Variants in XKR4 observed in about 807,000 individuals in gnomAD.
The protein encoded by XKR4 is XK-related protein 4.
Under a neutral mutation model 53.9 loss-of-function variants are expected in XKR4, and 12 were observed. That is an observed-to-expected ratio of 0.22 (90% CI 0.14 to 0.36). XKR4 has a LOEUF of 0.36. XKR4 is among the 10% of genes least tolerant of loss of function. XKR4 has a pLI of 1.00. For missense variants in XKR4, 799 were observed against 859.5 expected (o/e 0.93, Z 0.88); for synonymous variants, 354 against 362.4 (o/e 0.98, Z 0.26).
intron 1 of XKR4, among the ~76,000 whole-genome samples, chr8:55,330,077 G>T (rs998484450): frequency 1.3e-5 from 2 of 152,150 alleles, no homozygotes; most frequent in African/African-American, 4.8e-5. Flanking sequence ...ATCATCATCA[G>T]TATTATCGTC....
intron 1 of XKR4, among the ~76,000 whole-genome samples, chr8:55,200,082 T>C (rs1314593020): frequency 6.6e-6 from 1 of 152,192 alleles, no homozygotes; most frequent in East Asian, 1.9e-4. Context: ...TTTTCTTTTT[T>C]GAGACGGAGT....
At chr8:55,358,120 T>C (rs970902244) in intron 2 of XKR4, among the ~76,000 whole-genome samples, 1 of 152,348 alleles carries the variant, frequency 6.6e-6, no homozygotes, top group African/African-American at 2.4e-5. Flanking sequence ...AAAATCTTTA[T>C]GATTTTACAC....
chr8:55,492,362 T>C (rs1473288336), intron 2 of XKR4, among the ~76,000 whole-genome samples: 1 of 152,242 alleles, frequency 6.6e-6, no homozygotes, highest in Non-Finnish European at 1.5e-5. Flanking sequence ...AAACACTAAA[T>C]ATGTATATGT....
intron 1 of XKR4, chr8:55,142,159 A>G (rs1402891577): frequency 4.4e-6 from 2 of 456,092 alleles, no homozygotes; most frequent in Admixed American, 2.3e-5. Context: ...CACTGGCCTC[A>G]CTGCTGCTCT....
chr8:55,234,647 T>G (rs1431746984), intron 1 of XKR4, among the ~76,000 whole-genome samples: 1 of 152,188 alleles, frequency 6.6e-6, no homozygotes. Flanking sequence ...TTGAGTGATT[T>G]TAAGGTAATT....
chr8:55,336,041 C>CAAAAA (rs34885296), intron 1 of XKR4, among the ~76,000 whole-genome samples: 26 of 113,652 alleles, frequency 2.3e-4, no homozygotes, highest in East Asian at 8.2e-4. Context: ...AACTCTATAC[C>CAAAAA]AAAAAAAAAA....
intron 1 of XKR4, among the ~76,000 whole-genome samples, chr8:55,140,848 A>G (rs1816692269): frequency 6.6e-6 from 1 of 152,216 alleles, no homozygotes; most frequent in African/African-American, 2.4e-5. Context: ...CTGTCAACTA[A>G]GAAAATAAAA....
rs546621177 is a variant in XKR4, at chr8:55,251,022, G to A, written c.807-106656G>A. ...AGAGTGCTAGGAATCCAACAGGGAC[G>A]AAGTACACCCTCAAGAAGCTGTAGG... On this transcript the variant is annotated intron_variant, in intron 1 of 2. Coordinates refer to ENST00000327381, the MANE Select transcript of XKR4 (RefSeq NM_052898.2). Among the ~76,000 whole-genome samples the A allele has an allele frequency of 2.7e-4, 41 of 152,320 alleles. No individual in the cohort carries two copies. In the South Asian group the frequency reaches 6.2e-3, roughly 23 times the overall value.
intron 1 of XKR4, among the ~76,000 whole-genome samples, chr8:55,234,845 A>G (rs772673647): frequency 3.7e-4 from 57 of 152,268 alleles, no homozygotes; most frequent in Middle Eastern, 6.8e-3. Context: ...GCAGACCCCT[A>G]TGGCTGTGGA....
chr8:55,514,822 A>G (rs181735524), intron 2 of XKR4, among the ~76,000 whole-genome samples: 1 of 152,334 alleles, frequency 6.6e-6, no homozygotes, highest in Admixed American at 6.5e-5. Flanking sequence ...ATCACGCAAT[A>G]TGTAGTACTG....
intron 2 of XKR4, among the ~76,000 whole-genome samples, chr8:55,456,576 C>T (rs1021385702): frequency 6.6e-6 from 1 of 151,800 alleles, no homozygotes; most frequent in African/African-American, 2.4e-5. Flanking sequence ...GAAATAGAAC[C>T]CAAATATTGG....
At chr8:55,166,712 T>C (rs75198944) in intron 1 of XKR4, among the ~76,000 whole-genome samples, 130 of 152,294 alleles carry the variant, frequency 8.5e-4, no homozygotes, top group African/African-American at 3.0e-3. Flanking sequence ...TGTGGGAATA[T>C]GCAGGCAGGG....
chr8:55,413,532 C>T lies in XKR4; in HGVS notation c.1006+55655C>T, dbSNP rs118102560. On this transcript the variant is annotated intron_variant, in intron 2 of 2. Transcript: ENST00000327381. ...TGAGCCACTGCTCCCGGCAGTATCT[C>T]TTCCATGACAATATTTACTTAAAGT... Among the ~76,000 whole-genome samples the T allele has an allele frequency of 8.4e-4, 128 of 152,326 alleles. 5 individuals are homozygous for T. In the East Asian group the frequency reaches 0.024, roughly 28 times the overall value.
In XKR4 at chr8:55,538,482, A is replaced by T. The variant is rs1284478672; in HGVS notation, c.*14255A>T. ...CAATGGTTCTTCATCACTATATAAA[A>T]CTAACACTTTTCCTTCAAAGGTCTA... On this transcript the variant is annotated 3_prime_UTR_variant, in exon 3 of 3. Coordinates refer to ENST00000327381, the MANE Select transcript of XKR4 (RefSeq NM_052898.2). 2.0e-5 allele frequency: 3 copies of T among 152,228 alleles called. No homozygotes were observed. The highest frequency in any genetic ancestry group is 4.4e-5 in the Non-Finnish European group (3 of 68,044). The allele number at this position is 152,228 out of a possible 1,614,324, so 9.4% of individuals were successfully genotyped here. A position where few individuals can be genotyped will look rare whatever the true frequency, so the allele number is the denominator to read the frequency against.
At position 55,420,056 on chromosome 8, in the gene XKR4, T is replaced by C. The variant is rs889074262; in HGVS notation, c.1006+62179T>C. ...CCTTGGTATATTCAGTCAAGTACTA[T>C]GACAAACATAGAAAGCACTTGGTTT... On this transcript the variant is annotated intron_variant, in intron 2 of 2. Transcript: ENST00000327381. 2.0e-5 allele frequency among the ~76,000 whole-genome samples: 3 copies of C among 152,220 alleles called. 1 individual carries two copies. The highest frequency in any genetic ancestry group is 4.4e-5 in the Non-Finnish European group (3 of 68,038).
chr8:55,491,523 C>T (rs182759589), intron 2 of XKR4, among the ~76,000 whole-genome samples: 1 of 124,598 alleles, frequency 8.0e-6, no homozygotes, highest in African/African-American at 3.8e-5. Context: ...TCTGGAGTAT[C>T]TTTTATTCTA....
rs113879651 is a variant in XKR4, at chr8:55,208,182, C to T, written c.806+104888C>T. Among the ~76,000 whole-genome samples the T allele has an allele frequency of 1.9e-3, 290 of 152,242 alleles. 2 individuals carry two copies. The highest frequency in any genetic ancestry group is 2.2e-3 in the Non-Finnish European group (148 of 68,024). Reference sequence around the variant, plus strand: ...TACCTTTTTGTATGTGGTCAGAGCACCTAAAATCTATTCTTGTTAGCAAAT... The same window carrying T: ...TACCTTTTTGTATGTGGTCAGAGCATCTAAAATCTATTCTTGTTAGCAAAT... On this transcript the variant is annotated intron_variant, in intron 1 of 2. Coordinates refer to ENST00000327381, the MANE Select transcript of XKR4 (RefSeq NM_052898.2).
At chr8:55,200,381 T>A (rs559806166) in intron 1 of XKR4, among the ~76,000 whole-genome samples, 4 of 152,298 alleles carry the variant, frequency 2.6e-5, no homozygotes, top group Admixed American at 2.6e-4. Context: ...CTATATCCTT[T>A]TACAGTTCCA....
intron 2 of XKR4, among the ~76,000 whole-genome samples, chr8:55,427,679 G>T (rs765433591): frequency 2.0e-5 from 3 of 152,178 alleles, no homozygotes; most frequent in Non-Finnish European, 2.9e-5. Context: ...AGAAAGACTT[G>T]TTCTTTCAAA....
Sources: gnomAD v4.1 joint callset for allele counts (sites outside exome capture counted in the v4.1 genomes callset) on GRCh38, gnomAD v4.1.1 for gene constraint, MANE v1.5 for transcripts, NCBI Gene and HGNC (gene_info 2026-07-23, HGNC 2026-07-21) for gene names.